The following XPO5 variants were observed in gnomAD, a reference collection of about 807,000 sequenced individuals.
XPO5 encodes the protein exportin-5.
Under a neutral mutation model 160.6 loss-of-function variants are expected in XPO5, and 46 were observed. That is an observed-to-expected ratio of 0.29 (90% CI 0.23 to 0.37). XPO5 has a LOEUF of 0.37. Among genes scored for constraint, XPO5 ranks in the 10% least tolerant of loss-of-function variants. The pLI, the probability that XPO5 is intolerant of heterozygous loss-of-function variation, is 1.00. For synonymous variants in XPO5, 537 were observed against 519.3 expected (o/e 1.03, Z -0.46); for missense variants, 1,090 against 1,463.9 (o/e 0.74, Z 4.17).
In XPO5 at chr6:43,524,585, T is replaced by C; in HGVS notation, c.3363A>G (p.Ile1121Met). 1 of 1,613,940 alleles carries C rather than the reference T, an allele frequency of 6.2e-7. No individual in the cohort carries two copies. The change falls in exon 31 of 32, where the codon ATA (isoleucine) becomes ATG (methionine). Residue 1121 changes from isoleucine to methionine, a missense_variant. Physicochemically the swap from Ile to Met is conservative, Grantham distance 10. Around this residue, in one of 3 missense-constraint regions of XPO5, gnomAD observed 810 missense variants for 1,139.0 expected, o/e 0.71. Transcript: ENST00000265351. ...CAAACTGGTCCAGTGAGTCCTTCTG[T>C]ATTTCAGGGATTTGCTCCATTACAG... ...IRAVMEQIPE[I>M]QKDSLDQFDC...
chr6:43,540,427 C>T (rs1242667900), intron 20 of XPO5, among the ~76,000 whole-genome samples: 1 of 151,974 alleles, frequency 6.6e-6, no homozygotes, highest in Non-Finnish European at 1.5e-5. Context: ...TGCAGTGAGC[C>T]GAGATGGCGC....
At position 43,548,470 on chromosome 6, in the gene XPO5, A is replaced by C; in HGVS notation, c.1861-10T>G. 1 of 1,524,498 alleles carries C rather than the reference A, an allele frequency of 6.6e-7. No individual in the cohort carries two copies. The highest frequency in any genetic ancestry group is 2.3e-5 in the East Asian group (1 of 42,974). The allele number at this position is 1,524,498 out of a possible 1,614,324, so 94.4% of individuals were successfully genotyped here. ...GCATGTCAAAATTGGGCTACAGATCAAAAAGAAAAAAAGCCAGAGGTGGTA... is the reference window on the plus strand; with the variant it reads ...GCATGTCAAAATTGGGCTACAGATCCAAAAGAAAAAAAGCCAGAGGTGGTA... On this transcript the variant is annotated splice_polypyrimidine_tract_variant and intron_variant, in intron 17 of 31. Coordinates refer to ENST00000265351, the MANE Select transcript of XPO5 (RefSeq NM_020750.3).
At chr6:43,567,081 A>T in intron 7 of XPO5, 88 bp downstream of exon 7, 1 of 1,401,628 alleles carries the variant, frequency 7.1e-7, no homozygotes, top group Non-Finnish European at 9.5e-7. Flanking sequence ...CCAAACCTTT[A>T]AATGACTTTC....
chr6:43,526,924 G>A (rs567908479), intron 26 of XPO5, 177 bp from the exon 27 acceptor site: 21 of 629,032 alleles, frequency 3.3e-5, no homozygotes, highest in South Asian at 2.0e-4. Context: ...TCTGATGACC[G>A]AACTGTTTTG....
At chr6:43,568,856 C>T (rs1443024361) in intron 5 of XPO5, 119 bp from the exon 6 acceptor site, 25 of 885,948 alleles carry the variant, frequency 2.8e-5, no homozygotes, top group Admixed American at 8.8e-5. Flanking sequence ...AATTTTTCAT[C>T]TTGGAAAATA....
At chr6:43,542,831 C>T (rs1197053902) in intron 20 of XPO5, among the ~76,000 whole-genome samples, 1 of 152,126 alleles carries the variant, frequency 6.6e-6, no homozygotes, top group African/African-American at 2.4e-5. Context: ...ACAGAAAATA[C>T]ACATTTCTTA....
intron 20 of XPO5, chr6:43,539,612 C>T (rs1582212685): frequency 7.3e-7 from 1 of 1,376,246 alleles, no homozygotes; most frequent in East Asian, 2.4e-5. Flanking sequence ...CCGGATGCCA[C>T]TGGCGAAACC....
At chr6:43,528,235 G>C in intron 24 of XPO5, 30 bp from the exon 25 acceptor site, 1 of 1,569,374 alleles carries the variant, frequency 6.4e-7, no homozygotes, top group Non-Finnish European at 8.7e-7. Context: ...ATAAATGCTA[G>C]AATTGGGGAA....
Position 43,547,711 on chromosome 6 carries a change from A to C in XPO5, c.2061-4T>G, listed in dbSNP as rs781108933. 1 of 1,613,734 alleles carries C rather than the reference A, an allele frequency of 6.2e-7. No homozygotes were observed. The highest frequency in any genetic ancestry group is 8.5e-7 in the Non-Finnish European group (1 of 1,179,654). On this transcript the variant is annotated splice_polypyrimidine_tract_variant and splice_region_variant and intron_variant, in intron 18 of 31. Transcript: ENST00000265351. ...AGCATCAACATCTGACAGCACTCTGAAGGTTGGAGGGGGAAAAACAAGTTA... is the reference window on the plus strand; with the variant it reads ...AGCATCAACATCTGACAGCACTCTGCAGGTTGGAGGGGGAAAAACAAGTTA...
At chr6:43,539,168 G>A (rs1794536024) in intron 20 of XPO5, 2 of 1,106,698 alleles carry the variant, frequency 1.8e-6, no homozygotes, top group South Asian at 1.3e-5. Flanking sequence ...GCAGGGGACG[G>A]TGTGGGGCTT....
chr6:43,561,012 AG>A lies in XPO5; in HGVS notation c.1012-6del. On this transcript the variant is annotated splice_polypyrimidine_tract_variant and splice_region_variant and intron_variant, in intron 9 of 31. Coordinates refer to ENST00000265351, the MANE Select transcript of XPO5 (RefSeq NM_020750.3). The stretch of plus-strand genomic sequence containing the variant: ...TTCTACATCAGAATCTGCACCCTGT[AG>A]GAGAAGACCACTATATTAACGGTGT... 6.2e-7 allele frequency: 1 copy of A among 1,610,872 alleles called. No homozygotes were observed. Among genetic ancestry groups the A allele is most frequent in the Middle Eastern group, 1.7e-4 (1 of 6,056 alleles).
At chr6:43,567,454 ATTT>A in intron 6 of XPO5, 100 bp from the exon 7 acceptor site, 1 of 1,118,468 alleles carries the variant, frequency 8.9e-7, no homozygotes. Context: ...TAAGAAAATT[ATTT>A]TTTAAGAATA....
intron 20 of XPO5, among the ~76,000 whole-genome samples, chr6:43,535,263 A>AAAC (rs200414208): frequency 1.2e-4 from 18 of 151,380 alleles, no homozygotes; most frequent in Non-Finnish European, 2.4e-4. Context: ...CTGTCTCAAA[A>AAAC]AACAACAACA....
chr6:43,559,854 T>C (rs1300318596), intron 11 of XPO5, among the ~76,000 whole-genome samples: 3 of 152,110 alleles, frequency 2.0e-5, no homozygotes, highest in Non-Finnish European at 2.9e-5. Context: ...TCACTCTCAT[T>C]GCCTAGGCTG....
intron 5 of XPO5, among the ~76,000 whole-genome samples, chr6:43,569,043 A>G (rs1333139430): frequency 6.6e-6 from 1 of 152,224 alleles, no homozygotes; most frequent in African/African-American, 2.4e-5. Flanking sequence ...CTGTAATCCC[A>G]GCAGTCTGGG....
intron 20 of XPO5, among the ~76,000 whole-genome samples, chr6:43,535,642 C>T (rs1794268607): frequency 6.6e-6 from 1 of 150,800 alleles, no homozygotes; most frequent in African/African-American, 2.4e-5. Flanking sequence ...AACCCCATCT[C>T]TACTAAAAAT....
intron 12 of XPO5, 80 bp from the exon 13 acceptor site, chr6:43,556,044 A>G (rs1762064131): frequency 3.2e-6 from 5 of 1,545,930 alleles, no homozygotes; most frequent in Non-Finnish European, 4.4e-6. Context: ...TTAATTTACC[A>G]CCCTAGGGGA....
At chr6:43,546,398 G>T (rs924715677) in intron 20 of XPO5, among the ~76,000 whole-genome samples, 173 bp downstream of exon 20, 5 of 152,196 alleles carry the variant, frequency 3.3e-5, no homozygotes, top group Non-Finnish European at 5.9e-5. Context: ...ATTTATGCAA[G>T]TGAGAGCTGA....
At chr6:43,546,788 AG>A (rs775586222) in intron 19 of XPO5, 36 bp from the exon 20 acceptor site, 6 of 1,496,712 alleles carry the variant, frequency 4.0e-6, no homozygotes, top group Middle Eastern at 1.8e-4. Flanking sequence ...AAATATTAAA[AG>A]GAAAAAAAAA....
Sources: allele counts gnomAD v4.1 joint callset (sites outside exome capture counted in the v4.1 genomes callset), GRCh38; gene constraint gnomAD v4.1.1; regional missense constraint gnomAD v4.1.1; transcripts MANE v1.5; gene names NCBI Gene and HGNC (gene_info 2026-07-23, HGNC 2026-07-21).